The following SLCO5A1 variants were observed in gnomAD, a reference collection of about 807,000 sequenced individuals.
SLCO5A1 encodes organic anion transporter polypeptide-related protein 4.
In SLCO5A1, 39 loss-of-function variants were observed where a neutral mutation model predicts 65.1. The observed-to-expected ratio is 0.60, with a 90% confidence interval of 0.46 to 0.78. The LOEUF (loss-of-function observed/expected upper bound fraction) is 0.78, where lower values mean the gene tolerates loss of function less well. Ranked by LOEUF, SLCO5A1 falls within the 30% of genes least tolerant of loss-of-function variation. SLCO5A1 has a pLI of 0.00. For missense variants in SLCO5A1, 1,029 were observed against 1,069.4 expected, an observed-to-expected ratio of 0.96 and a Z score of 0.53; for synonymous variants, 438 against 415.7, an observed-to-expected ratio of 1.05 and a Z score of -0.65.
intron 2 of SLCO5A1, among the ~76,000 whole-genome samples, chr8:69,824,820 A>G (rs1820799456): frequency 6.6e-6 from 1 of 152,170 alleles, no homozygotes; most frequent in African/African-American, 2.4e-5. Context: ...CAGAGACACA[A>G]CCAAAAAAGA....
At chr8:69,761,536 C>T (rs1429228301) in intron 3 of SLCO5A1, 1 of 560,950 alleles carries the variant, frequency 1.8e-6, no homozygotes, top group African/African-American at 1.9e-5. Flanking sequence ...CAAAGTCCCT[C>T]TTGCCATGTA....
At chr8:69,723,154 T>TA (rs1305317427) in intron 5 of SLCO5A1, among the ~76,000 whole-genome samples, 2 of 152,094 alleles carry the variant, frequency 1.3e-5, no homozygotes, top group East Asian at 3.8e-4. Flanking sequence ...TGCATAACAT[T>TA]AAAACTATTT....
intron 5 of SLCO5A1, among the ~76,000 whole-genome samples, chr8:69,729,446 C>CAAAAA (rs56392223): frequency 1.2e-4 from 10 of 80,484 alleles, no homozygotes; most frequent in East Asian, 4.0e-4. Flanking sequence ...TCCGTCCCAA[C>CAAAAA]AAAAAAAAAA....
At chr8:69,751,680 G>A (rs1817307779) in intron 4 of SLCO5A1, among the ~76,000 whole-genome samples, 1 of 151,886 alleles carries the variant, frequency 6.6e-6, no homozygotes, top group Non-Finnish European at 1.5e-5. Flanking sequence ...CAAAGTAGCT[G>A]GGATTACAGG....
At chr8:69,677,051 T>C (rs1025300221) in intron 8 of SLCO5A1, among the ~76,000 whole-genome samples, 10 of 152,202 alleles carry the variant, frequency 6.6e-5, no homozygotes, top group African/African-American at 2.4e-4. Flanking sequence ...TTTTTGTTTT[T>C]GTTTTTTTGC....
chr8:69,823,349 C>T (rs998488683), intron 2 of SLCO5A1, among the ~76,000 whole-genome samples: 1 of 151,996 alleles, frequency 6.6e-6, no homozygotes, highest in African/African-American at 2.4e-5. Flanking sequence ...GAGTCAAGAC[C>T]CATCAGTGTG....
chr8:69,699,424 T>A (rs1471678244), intron 6 of SLCO5A1, among the ~76,000 whole-genome samples: 1 of 152,106 alleles, frequency 6.6e-6, no homozygotes, highest in African/African-American at 2.4e-5. Context: ...GAAAGGAGCA[T>A]CCATCTCTTG....
chr8:69,682,772 G>A (rs1408968001), intron 6 of SLCO5A1, among the ~76,000 whole-genome samples: 1 of 152,172 alleles, frequency 6.6e-6, no homozygotes, highest in African/African-American at 2.4e-5. Context: ...ATCACTGTGA[G>A]CACATGATCA....
Position 69,758,390 on chromosome 8 carries a change from GGTTGGTCTTGAAC to G in SLCO5A1, c.1041-2762_1041-2750del, listed in dbSNP as rs1817614194. On this transcript the variant is annotated intron_variant, in intron 3 of 9. Coordinates refer to ENST00000260126, the MANE Select transcript of SLCO5A1 (RefSeq NM_030958.3). Reference sequence around the variant, plus strand: ...GTGGGGGGTCTCACTATGTTGCCCAGGTTGGTCTTGAACTCCTGGGCTCAAGTGATCTGCCCGC... The same window carrying G: ...GTGGGGGGTCTCACTATGTTGCCCAGTCCTGGGCTCAAGTGATCTGCCCGC... 5.3e-5 allele frequency among the ~76,000 whole-genome samples: 8 copies of G among 152,080 alleles called. No homozygotes were observed. The South Asian group carries it at 1.7e-3, about 32-fold the overall frequency.
At chr8:69,694,592 G>T (rs1814418590) in intron 6 of SLCO5A1, among the ~76,000 whole-genome samples, 1 of 152,216 alleles carries the variant, frequency 6.6e-6, no homozygotes, top group Non-Finnish European at 1.5e-5. Context: ...CTGAAATGTA[G>T]CTCACACCCT....
chr8:69,788,898 T>G (rs745401948), intron 2 of SLCO5A1, among the ~76,000 whole-genome samples: 2 of 152,096 alleles, frequency 1.3e-5, no homozygotes, highest in Non-Finnish European at 2.9e-5. Flanking sequence ...TTAGGTTGAG[T>G]TCCTTCAGAA....
At chr8:69,685,067 A>T (rs1813946842) in intron 6 of SLCO5A1, among the ~76,000 whole-genome samples, 1 of 152,230 alleles carries the variant, frequency 6.6e-6, no homozygotes. Flanking sequence ...AATAAATGCT[A>T]TGAAATGAAA....
chr8:69,724,493 T>G (rs1815974319), intron 5 of SLCO5A1, among the ~76,000 whole-genome samples: 1 of 152,216 alleles, frequency 6.6e-6, no homozygotes, highest in Non-Finnish European at 1.5e-5. Flanking sequence ...GCCTGAAATC[T>G]AATCAGACTA....
chr8:69,715,902 G>A (rs968780709), intron 5 of SLCO5A1, among the ~76,000 whole-genome samples: 9 of 152,052 alleles, frequency 5.9e-5, no homozygotes, highest in Admixed American at 5.9e-4. Flanking sequence ...ACAGAAACAT[G>A]CAATCATCAC....
chr8:69,763,762 AAAATTTT>A (rs1422526458), intron 2 of SLCO5A1, among the ~76,000 whole-genome samples: 1 of 151,728 alleles, frequency 6.6e-6, no homozygotes, highest in African/African-American at 2.4e-5. Context: ...TGTCAATTTT[AAAATTTT>A]AAGATAGGAT....
chr8:69,701,077 C>T (rs918938431), intron 6 of SLCO5A1, among the ~76,000 whole-genome samples: 4 of 152,024 alleles, frequency 2.6e-5, no homozygotes, highest in Non-Finnish European at 5.9e-5. Flanking sequence ...GACTGTGGGC[C>T]CTGCACAGAT....
At chr8:69,761,670 A>G (rs1817781684) in intron 3 of SLCO5A1, 73 bp downstream of exon 3, 2 of 1,528,042 alleles carry the variant, frequency 1.3e-6, no homozygotes, top group Non-Finnish European at 1.8e-6. Context: ...GAAAAATTTT[A>G]AATACAAGTG....
At position 69,752,174 on chromosome 8, in the gene SLCO5A1, C is replaced by T. The variant is rs189688172; in HGVS notation, c.1258+3250G>A. ...TGAGCCTGGGAGGTTGAGGCTGCAG[C>T]GAGCCAAGATCACACCACTGCACTC... On this transcript the variant is annotated intron_variant, in intron 4 of 9. Transcript: ENST00000260126. Among the ~76,000 whole-genome samples the T allele has an allele frequency of 5.7e-3, 874 of 152,050 alleles. 7 individuals carry two copies. Among genetic ancestry groups the T allele is most frequent in the African/African-American group, 0.02 (823 of 41,468 alleles).
intron 2 of SLCO5A1, among the ~76,000 whole-genome samples, chr8:69,813,855 A>G (rs1302891271): frequency 1.3e-5 from 2 of 152,214 alleles, no homozygotes; most frequent in Non-Finnish European, 2.9e-5. Flanking sequence ...CCAGAAGTTT[A>G]TGGACTTCTC....
Sources: allele counts gnomAD v4.1 joint callset (sites outside exome capture counted in the v4.1 genomes callset), GRCh38; gene constraint gnomAD v4.1.1; transcripts MANE v1.5; gene names NCBI Gene and HGNC (gene_info 2026-07-23, HGNC 2026-07-21).